Variants in ZC3H12B observed in about 807,000 individuals in gnomAD.
ZC3H12B encodes zinc finger CCCH-type containing 12B, also known as probable ribonuclease ZC3H12B.
A neutral mutation model predicts 43.9 loss-of-function variants in ZC3H12B; 7 were observed. The ratio of observed to expected loss-of-function variants is 0.16; its 90% CI spans 0.09 to 0.30. The LOEUF is 0.30. Among genes scored for constraint, ZC3H12B ranks in the 10% least tolerant of loss-of-function variants. The probability of loss-of-function intolerance (pLI) is 1.00; values close to 1 mark genes in which losing one functional copy is unlikely to be tolerated. For missense variants in ZC3H12B, 475 were observed against 670.2 expected, an observed-to-expected ratio of 0.71 and a Z score of 3.22; for synonymous variants, 222 against 241.7, an observed-to-expected ratio of 0.92 and a Z score of 0.76.
chrX:65,130,341 T>G, the ZC3H12B span, among the ~76,000 whole-genome samples: 1 of 111,377 alleles, frequency 9.0e-6, no homozygotes, highest in Non-Finnish European at 1.9e-5. Flanking sequence ...AGGAATTACA[T>G]CTGACAGAAG....
the ZC3H12B span, among the ~76,000 whole-genome samples, chrX:65,160,056 G>A: frequency 8.9e-6 from 1 of 111,885 alleles, no homozygotes; most frequent in Non-Finnish European, 1.9e-5. Flanking sequence ...ATTATATGTT[G>A]GATTACATTT....
the ZC3H12B span, among the ~76,000 whole-genome samples, chrX:65,320,441 G>A: frequency 8.9e-6 from 1 of 111,919 alleles, no homozygotes; most frequent in African/African-American, 3.3e-5. Flanking sequence ...TGGATAGGGA[G>A]AATCAATATC....
the ZC3H12B span, among the ~76,000 whole-genome samples, chrX:65,057,909 G>T: frequency 1.8e-5 from 2 of 111,795 alleles, no homozygotes; most frequent in Non-Finnish European, 3.8e-5. Context: ...TTTCCTAGCT[G>T]TCGTGCCATG....
At chrX:65,156,733 C>A in the ZC3H12B span, among the ~76,000 whole-genome samples, 2 of 110,636 alleles carry the variant, frequency 1.8e-5, no homozygotes, top group Admixed American at 1.9e-4. Flanking sequence ...CCAGGCTGAT[C>A]TCTAACTCCT....
the ZC3H12B span, among the ~76,000 whole-genome samples, chrX:65,151,287 A>G: frequency 1.2e-4 from 14 of 112,337 alleles, no homozygotes; most frequent in East Asian, 3.9e-3. Context: ...AAAAAATGAT[A>G]AAAGTACAAA....
chrX:65,384,905 A>C (rs769857333), intron 2 of ZC3H12B, among the ~76,000 whole-genome samples: 1 of 112,306 alleles, frequency 8.9e-6, no homozygotes, highest in Non-Finnish European at 1.9e-5. Context: ...TTAAATAGGG[A>C]ATCCTTTCCC....
At chrX:65,251,108 T>G in the ZC3H12B span, among the ~76,000 whole-genome samples, 3 of 112,100 alleles carry the variant, frequency 2.7e-5, no homozygotes, top group African/African-American at 9.7e-5. Context: ...TTGAATTAAT[T>G]TTAGTATAAG....
the ZC3H12B span, among the ~76,000 whole-genome samples, chrX:65,164,646 G>A: frequency 1.3e-4 from 15 of 112,003 alleles, no homozygotes; most frequent in South Asian, 3.7e-4. Flanking sequence ...AGCAAGGACC[G>A]CTTATAAGGT....
chrX:65,172,937 A>G, the ZC3H12B span, among the ~76,000 whole-genome samples: 2 of 111,224 alleles, frequency 1.8e-5, no homozygotes, highest in East Asian at 2.8e-4. Context: ...TAAAATTTAA[A>G]GTAGTTTTTT....
the ZC3H12B span, among the ~76,000 whole-genome samples, chrX:65,302,887 C>A: frequency 9.0e-6 from 1 of 111,270 alleles, no homozygotes; most frequent in Non-Finnish European, 1.9e-5. Flanking sequence ...GAAAATGGAG[C>A]AAAAGGTAAT....
the ZC3H12B span, among the ~76,000 whole-genome samples, chrX:65,182,682 A>G: frequency 9.1e-6 from 1 of 110,400 alleles, no homozygotes; most frequent in East Asian, 2.8e-4. Flanking sequence ...CAAGGGTCTA[A>G]TATCCAGAAT....
At chrX:65,351,520 G>A in the ZC3H12B span, among the ~76,000 whole-genome samples, 1 of 112,391 alleles carries the variant, frequency 8.9e-6, no homozygotes, top group Non-Finnish European at 1.9e-5. Context: ...TATCATCAGA[G>A]TGAACAGGCA....
the ZC3H12B span, among the ~76,000 whole-genome samples, chrX:65,159,010 C>G: frequency 8.9e-6 from 1 of 111,846 alleles, no homozygotes; most frequent in Non-Finnish European, 1.9e-5. Context: ...GTTTTCCCAG[C>G]ACCATTTATT....
the ZC3H12B span, among the ~76,000 whole-genome samples, chrX:65,094,377 C>A: frequency 2.7e-5 from 3 of 109,526 alleles, no homozygotes; most frequent in Non-Finnish European, 5.7e-5. Flanking sequence ...TATACAACTG[C>A]AAAACCTATA....
chrX:65,476,430 T>C (rs2067992616), intron 3 of ZC3H12B, among the ~76,000 whole-genome samples: 1 of 111,875 alleles, frequency 8.9e-6, no homozygotes, highest in Non-Finnish European at 1.9e-5. Flanking sequence ...TTTTTGAAAG[T>C]ACAGAGATTT....
At chrX:65,388,122 G>A (rs1014778522) in intron 2 of ZC3H12B, among the ~76,000 whole-genome samples, 7 of 111,141 alleles carry the variant, frequency 6.3e-5, no homozygotes, top group African/African-American at 2.3e-4. Flanking sequence ...ATGTGTCTTG[G>A]AGTTGCTCTT....
chrX:65,159,007 C>T, the ZC3H12B span, among the ~76,000 whole-genome samples: 1 of 111,739 alleles, frequency 8.9e-6, no homozygotes. Context: ...CCAGTTTTCC[C>T]AGCACCATTT....
the ZC3H12B span, among the ~76,000 whole-genome samples, chrX:65,141,405 C>T: frequency 9.1e-6 from 1 of 109,795 alleles, no homozygotes; most frequent in African/African-American, 3.3e-5. Flanking sequence ...ACTACACATA[C>T]GTGGGCTCTT....
chrX:65,103,457 G>T, the ZC3H12B span, among the ~76,000 whole-genome samples: 1 of 111,317 alleles, frequency 9.0e-6, no homozygotes, highest in Non-Finnish European at 1.9e-5. Context: ...AACAATTTGT[G>T]CAGTTAACGC....
Sources: gnomAD v4.1 joint callset for allele counts (sites outside exome capture counted in the v4.1 genomes callset) on GRCh38, gnomAD v4.1.1 for gene constraint, MANE v1.5 for transcripts, NCBI Gene and HGNC (gene_info 2026-07-23, HGNC 2026-07-21) for gene names.